ST3GAL3: variants seen among roughly 807,000 people sequenced by gnomAD.
The protein encoded by ST3GAL3 is CMP-N-acetylneuraminate-beta-1,4-galactoside alpha-2,3-sialyltransferase.
ST3GAL3 carries 21 observed loss-of-function variants against 50.1 expected under a neutral mutation model. The ratio of observed to expected loss-of-function variants is 0.42; its 90% CI spans 0.30 to 0.60. ST3GAL3 has a LOEUF of 0.60. Among genes scored for constraint, ST3GAL3 ranks in the 20% least tolerant of loss-of-function variants. ST3GAL3 has a pLI of 0.19. For synonymous variants in ST3GAL3, 183 were observed against 190.0 expected, an observed-to-expected ratio of 0.96 and a Z score of 0.30; for missense variants, 353 against 489.4, an observed-to-expected ratio of 0.72 and a Z score of 2.63.
intron 1 of ST3GAL3, among the ~76,000 whole-genome samples, chr1:43,718,331 A>G (rs1041813686): frequency 3.3e-5 from 5 of 151,018 alleles, no homozygotes; most frequent in African/African-American, 1.2e-4. Context: ...CTGGGACTAT[A>G]GGCGCCCGCC....
At chr1:43,814,781 G>T (rs1447944607) in intron 3 of ST3GAL3, 110 bp from the exon 4 acceptor site, 9 of 987,158 alleles carry the variant, frequency 9.1e-6, no homozygotes, top group Non-Finnish European at 1.5e-5. Context: ...CAGTTGAATT[G>T]TGTTCTTTTC....
intron 5 of ST3GAL3, among the ~76,000 whole-genome samples, chr1:43,858,928 C>T (rs1247232242): frequency 6.6e-6 from 1 of 152,208 alleles, no homozygotes; most frequent in East Asian, 1.9e-4. Flanking sequence ...CTGCCTTCTG[C>T]CCTGATGCAG....
intron 1 of ST3GAL3, among the ~76,000 whole-genome samples, chr1:43,726,194 T>C (rs1672845611): frequency 1.3e-5 from 2 of 152,328 alleles, no homozygotes; most frequent in South Asian, 4.1e-4. Flanking sequence ...CTTATTGTGA[T>C]GTCTGTCAGA....
At chr1:43,920,183 C>A in intron 9 of ST3GAL3, 4 of 607,642 alleles carry the variant, frequency 6.6e-6, no homozygotes, top group Non-Finnish European at 3.0e-6. Context: ...CTGTTACACA[C>A]TGGAGCCCCA....
chr1:43,892,139 T>C (rs762616546), intron 5 of ST3GAL3, among the ~76,000 whole-genome samples: 3 of 152,216 alleles, frequency 2.0e-5, no homozygotes, highest in Non-Finnish European at 4.4e-5. Flanking sequence ...GACAGAGTTT[T>C]GCCATGTTAG....
chr1:43,916,332 G>A (rs1203188680), intron 9 of ST3GAL3, among the ~76,000 whole-genome samples: 1 of 152,178 alleles, frequency 6.6e-6, no homozygotes, highest in African/African-American at 2.4e-5. Flanking sequence ...GTGGCAGTAG[G>A]TTTGGGATCA....
At chr1:43,904,569 A>G (rs886447934) in intron 9 of ST3GAL3, among the ~76,000 whole-genome samples, 1 of 151,936 alleles carries the variant, frequency 6.6e-6, no homozygotes, top group Admixed American at 6.5e-5. Flanking sequence ...CTACCCCCAG[A>G]TAAAAATGCT....
chr1:43,783,944 A>C, intron 2 of ST3GAL3, among the ~76,000 whole-genome samples: 1 of 152,128 alleles, frequency 6.6e-6, no homozygotes, highest in Admixed American at 6.5e-5. Context: ...TGATGTGTCA[A>C]AGCCTTTTTA....
At chr1:43,709,243 C>G (rs1663287452) in intron 1 of ST3GAL3, 1 of 152,284 alleles carries the variant, frequency 6.6e-6, no homozygotes, top group South Asian at 2.1e-4. Flanking sequence ...TGAGGTTGCA[C>G]AAAAGGTAGG....
At chr1:43,875,732 T>A (rs1222334108) in intron 5 of ST3GAL3, among the ~76,000 whole-genome samples, 1 of 152,046 alleles carries the variant, frequency 6.6e-6, no homozygotes, top group African/African-American at 2.4e-5. Flanking sequence ...GAACTGTGAG[T>A]TGATTAAACC....
At chr1:43,865,020 AT>A (rs34451408) in intron 5 of ST3GAL3, among the ~76,000 whole-genome samples, 104 of 143,624 alleles carry the variant, frequency 7.2e-4, no homozygotes, top group African/African-American at 1.8e-3. Context: ...TATGTACAAC[AT>A]TTTTTTTTTT....
intron 1 of ST3GAL3, among the ~76,000 whole-genome samples, chr1:43,727,775 G>A (rs1280599356): frequency 6.6e-6 from 1 of 152,032 alleles, no homozygotes; most frequent in East Asian, 1.9e-4. Context: ...GGTTTTAGGT[G>A]TCTCAAAAAT....
At chr1:43,818,055 A>G (rs1401501678) in intron 4 of ST3GAL3, among the ~76,000 whole-genome samples, 1 of 152,006 alleles carries the variant, frequency 6.6e-6, no homozygotes, top group African/African-American at 2.4e-5. Context: ...TCTTGGGTAT[A>G]TAAATTTCAT....
At chr1:43,881,291 G>A (rs1042554150) in intron 5 of ST3GAL3, among the ~76,000 whole-genome samples, 30 of 152,376 alleles carry the variant, frequency 2.0e-4, no homozygotes, top group African/African-American at 6.7e-4. Context: ...GATTACAGGC[G>A]TGAGCCACCA....
intron 4 of ST3GAL3, among the ~76,000 whole-genome samples, chr1:43,830,329 ACCTGGC>A (rs2063379519): frequency 6.6e-6 from 1 of 151,986 alleles, no homozygotes. Flanking sequence ...GAGCCACCAC[ACCTGGC>A]CCCCCAAAAA....
chr1:43,799,108 C>T (rs942325084), intron 3 of ST3GAL3, among the ~76,000 whole-genome samples: 10 of 152,070 alleles, frequency 6.6e-5, no homozygotes, highest in African/African-American at 1.9e-4. Context: ...TATGTATGTA[C>T]GTTCATACAT....
At chr1:43,927,399 T>A (rs886313913) in intron 11 of ST3GAL3, among the ~76,000 whole-genome samples, 5 of 152,202 alleles carry the variant, frequency 3.3e-5, no homozygotes, top group Non-Finnish European at 5.9e-5. Context: ...TTTTAAATTA[T>A]TACACCTAAA....
chr1:43,858,752 G>A (rs1267615952), intron 5 of ST3GAL3, among the ~76,000 whole-genome samples: 1 of 152,082 alleles, frequency 6.6e-6, no homozygotes, highest in South Asian at 2.1e-4. Context: ...ACTGTGTCCT[G>A]CTTTCCCTAC....
At chr1:43,903,040 C>G (rs2078558659) in intron 9 of ST3GAL3, among the ~76,000 whole-genome samples, 1 of 152,148 alleles carries the variant, frequency 6.6e-6, no homozygotes, top group Non-Finnish European at 1.5e-5. Context: ...GGAGTCACTC[C>G]TGAGCTGGAC....
Sources: gnomAD v4.1 joint callset for allele counts (sites outside exome capture counted in the v4.1 genomes callset) on GRCh38, gnomAD v4.1.1 for gene constraint, MANE v1.5 for transcripts, NCBI Gene and HGNC (gene_info 2026-07-23, HGNC 2026-07-21) for gene names.